The following UBE2L3 variants were observed in gnomAD, a reference collection of about 807,000 sequenced individuals.
UBE2L3 encodes ubiquitin-conjugating enzyme E2 L3.
UBE2L3 carries 1 observed loss-of-function variant against 17.8 expected under a neutral mutation model. The ratio of observed to expected loss-of-function variants is 0.06; its 90% CI spans 0.02 to 0.27. The LOEUF (loss-of-function observed/expected upper bound fraction) is 0.27. Ranked by LOEUF, UBE2L3 falls within the 10% of genes least tolerant of loss-of-function variation. The probability of loss-of-function intolerance (pLI) is 1.00; values close to 1 mark genes in which losing one functional copy is unlikely to be tolerated. For synonymous variants in UBE2L3, 44 were observed against 68.5 expected (o/e 0.64, Z 1.76); for missense variants, 40 against 192.6 (o/e 0.21, Z 4.69).
intron 1 of UBE2L3, chr22:21,555,345 G>C (rs1173987141): frequency 2.0e-5 from 3 of 152,896 alleles, no homozygotes; most frequent in African/African-American, 7.2e-5. Context: ...CAGGTTGGCC[G>C]GGCTCGGTGG....
At position 21,619,205 on chromosome 22, in the gene UBE2L3, T is replaced by C. The variant is rs149023095; in HGVS notation, c.311-2310T>C. ...GTGCACTGAAATACACTGTGGCCAG[T>C]CAGCCAAGGGTGGGCTTCGTTTATT... is the stretch of plus-strand genomic sequence containing the variant. On this transcript the variant is annotated intron_variant, in intron 3 of 3. Coordinates refer to ENST00000342192, the MANE Select transcript of UBE2L3 (RefSeq NM_003347.4). 6.9e-3 allele frequency among the ~76,000 whole-genome samples: 1,048 copies of C among 152,264 alleles called. 8 individuals carry two copies. Among genetic ancestry groups the C allele is most frequent in the Admixed American group, 0.011 (166 of 15,284 alleles).
chr22:21,566,117 C>T (rs1028760763), upstream of UBE2L3, among the ~76,000 whole-genome samples: 5 of 151,826 alleles, frequency 3.3e-5, no homozygotes, highest in Admixed American at 2.6e-4. Flanking sequence ...GGATTACGTT[C>T]GCCCACCACC....
chr22:21,569,395 C>CA (rs541227444), intron 1 of UBE2L3, among the ~76,000 whole-genome samples: 17,575 of 85,870 alleles, frequency 0.2, 1,710 homozygotes, highest in Middle Eastern at 0.36. Context: ...GACTCCATGT[C>CA]AAAAAAAAAA....
chr22:21,598,191 A>G, intron 2 of UBE2L3, among the ~76,000 whole-genome samples: 1 of 100,968 alleles, frequency 9.9e-6, no homozygotes, highest in Non-Finnish European at 2.1e-5. Flanking sequence ...GGAAGGTTTC[A>G]TTAATGTGTG....
chr22:21,568,912 C>T (rs1258071572), intron 1 of UBE2L3, among the ~76,000 whole-genome samples: 1 of 152,130 alleles, frequency 6.6e-6, no homozygotes, highest in Non-Finnish European at 1.5e-5. Flanking sequence ...CTAGAGAGGA[C>T]ATTAACTTTA....
At chr22:21,587,476 G>A (rs1928012403) in intron 1 of UBE2L3, among the ~76,000 whole-genome samples, 1 of 152,192 alleles carries the variant, frequency 6.6e-6, no homozygotes, top group African/African-American at 2.4e-5. Flanking sequence ...ACCGCGCCTC[G>A]CCTAGATTTC....
chr22:21,552,226 C>G (rs990851881), intron 1 of UBE2L3, among the ~76,000 whole-genome samples: 7 of 152,218 alleles, frequency 4.6e-5, no homozygotes, highest in African/African-American at 1.4e-4. Flanking sequence ...GGGCCTCACT[C>G]TGTCGCCAGG....
At chr22:21,597,763 A>G (rs1207024822) in intron 2 of UBE2L3, among the ~76,000 whole-genome samples, 1 of 121,522 alleles carries the variant, frequency 8.2e-6, no homozygotes, top group Admixed American at 9.0e-5. Flanking sequence ...TCTTTGATCC[A>G]TTTATATGTA....
chr22:21,563,002 G>C (rs1382669041), upstream of UBE2L3, among the ~76,000 whole-genome samples: 1 of 151,678 alleles, frequency 6.6e-6, no homozygotes, highest in African/African-American at 2.4e-5. Flanking sequence ...CCAGCACTTT[G>C]GGAGGCCGAA....
rs547569952 is a variant in UBE2L3, at chr22:21,618,554, C to T, written c.311-2961C>T. Among the ~76,000 whole-genome samples the T allele has an allele frequency of 7.3e-5, 11 of 151,538 alleles. 1 individual carries two copies. The highest frequency in any genetic ancestry group is 5.8e-4 in the East Asian group (3 of 5,150). On this transcript the variant is annotated intron_variant, in intron 3 of 3. Coordinates refer to ENST00000342192, the MANE Select transcript of UBE2L3 (RefSeq NM_003347.4). ...GATTGTGCCACTAACTCAGCCTGGG[C>T]GACAGAGCGAGACTCCATCTCAAAA...
chr22:21,589,567 G>C (rs1208185182), intron 1 of UBE2L3, among the ~76,000 whole-genome samples: 1 of 152,192 alleles, frequency 6.6e-6, no homozygotes, highest in Non-Finnish European at 1.5e-5. Flanking sequence ...AGAGGATGTT[G>C]GGAAATTGGG....
At chr22:21,614,581 C>T (rs1929668838) in intron 3 of UBE2L3, 2 of 1,367,588 alleles carry the variant, frequency 1.5e-6, no homozygotes, top group Non-Finnish European at 2.0e-6. Context: ...CCAATTATGG[C>T]TTCTCTCAGA....
intron 1 of UBE2L3, 27 bp downstream of exon 1, chr22:21,567,798 G>A (rs767295487): frequency 6.4e-6 from 10 of 1,572,148 alleles, no homozygotes; most frequent in Admixed American, 1.9e-5. Context: ...GGCAGCGGCC[G>A]GGCGTGGGGC....
At chr22:21,567,028 G>A (rs765560957), upstream of UBE2L3, among the ~76,000 whole-genome samples, 1 of 152,228 alleles carries the variant, frequency 6.6e-6, no homozygotes, top group Non-Finnish European at 1.5e-5. Flanking sequence ...AAGCACTAGA[G>A]AGAGGTCTGG....
Position 21,610,998 on chromosome 22 carries a change from G to T in UBE2L3, c.265G>T (p.Val89Leu). 1 of 1,611,684 alleles carries T rather than the reference G, an allele frequency of 6.2e-7. No individual in the cohort carries two copies. Among genetic ancestry groups the T allele is most frequent in the African/African-American group, 1.3e-5 (1 of 74,762 alleles). ...IDEKGQVCLP[V>L]ISAENWKPAT... is the part of the protein sequence containing the mutation. ...CGAAAAGGGGCAGGTCTGTCTGCCA[G>T]TAATTAGTGCCGAAAACTGGAAGCC... The change falls in exon 3 of 4, where the codon GTA becomes TTA. Residue 89 changes from valine to leucine, a missense_variant. Coordinates refer to ENST00000342192, the MANE Select transcript of UBE2L3 (RefSeq NM_003347.4).
intron 1 of UBE2L3, among the ~76,000 whole-genome samples, chr22:21,562,020 T>C (rs1926449982): frequency 6.6e-6 from 1 of 152,052 alleles, no homozygotes; most frequent in Admixed American, 6.6e-5. Context: ...CCTTGTCCTC[T>C]TGCCTACTGG....
chr22:21,610,209 C>T (rs1301238420), intron 2 of UBE2L3, among the ~76,000 whole-genome samples: 1 of 152,164 alleles, frequency 6.6e-6, no homozygotes, highest in East Asian at 1.9e-4. Flanking sequence ...TCTCAGGGGC[C>T]TCTTTGATAA....
chr22:21,556,549 C>T (rs1321283126), intron 1 of UBE2L3, among the ~76,000 whole-genome samples: 6 of 152,360 alleles, frequency 3.9e-5, no homozygotes, highest in African/African-American at 1.4e-4. Flanking sequence ...CTCACTTCAG[C>T]CTCCCGAGTA....
At position 21,597,772 on chromosome 22, in the gene UBE2L3, T is replaced by C. The variant is rs538816214; in HGVS notation, c.123+4816T>C. On this transcript the variant is annotated intron_variant, in intron 2 of 3. Transcript: ENST00000342192. ...TTTGGATCTTTGATCCATTTATATG[T>C]AGATTTTTTTTTTTTTTTTTTTTTT... Among the ~76,000 whole-genome samples, 6 of 139,088 alleles carry C rather than the reference T, an allele frequency of 4.3e-5. No homozygotes were observed. The East Asian group carries it at 1.3e-3, about 30-fold the overall frequency. 91.2% of individuals were successfully genotyped at this position (139,088 alleles called of 152,430 possible). A position where few individuals can be genotyped will look rare whatever the true frequency, so the allele number is the denominator to read the frequency against.
Sources: gnomAD v4.1 joint callset for allele counts (sites outside exome capture counted in the v4.1 genomes callset) on GRCh38, gnomAD v4.1.1 for gene constraint, MANE v1.5 for transcripts, NCBI Gene and HGNC (gene_info 2026-07-23, HGNC 2026-07-21) for gene names.